The following ERCC5 variants were observed in gnomAD, a reference collection of about 807,000 sequenced individuals.
ERCC5 encodes the protein DNA excision repair protein ERCC-5.
Under a neutral mutation model 105.6 loss-of-function variants are expected in ERCC5, and 68 were observed. The observed-to-expected ratio is 0.64, with a 90% CI of 0.53 to 0.79. The LOEUF (loss-of-function observed/expected upper bound fraction) is 0.79. ERCC5 is among the 30% of genes least tolerant of loss of function. ERCC5 has a pLI of 0.00. For synonymous variants in ERCC5, 546 were observed against 526.2 expected (o/e 1.04, Z -0.51); for missense variants, 1,373 against 1,426.7 (o/e 0.96, Z 0.61).
intron 12 of ERCC5, 39 bp downstream of exon 12, chr13:102,868,296 A>G: frequency 3.1e-6 from 5 of 1,612,992 alleles, no homozygotes; most frequent in Non-Finnish European, 4.2e-6. Flanking sequence ...TAATTGTGTA[A>G]ATACCCAAAT....
Position 102,846,368 on chromosome 13 carries a change from C to T in ERCC5, c.88+14C>T. ...TCCTGGCTGTTGGTATCCTTAACGC[C>T]GCGTTGGGACTTGGGGTGCAGGGAT... On this transcript the variant is annotated intron_variant, in intron 1 of 14. Transcript: ENST00000652225. 1 of 1,611,372 alleles carries T rather than the reference C, an allele frequency of 6.2e-7. No individual in the cohort carries two copies. The highest frequency in any genetic ancestry group is 8.5e-7 in the Non-Finnish European group (1 of 1,177,704).
At position 102,846,238 on chromosome 13, in the gene ERCC5, G is replaced by A. The variant is rs768299983; in HGVS notation, c.-29G>A. On this transcript the variant is annotated 5_prime_UTR_variant, in exon 1 of 15. Coordinates refer to ENST00000652225, the MANE Select transcript of ERCC5 (RefSeq NM_000123.4). The stretch of plus-strand genomic sequence containing the variant: ...TAGAAGAATTAGAGTAGAAGTTGTC[G>A]GGGTCCGCTCTTAGGACGCAGCCGC... 3.1e-6 allele frequency: 5 copies of A among 1,595,276 alleles called. No homozygotes were observed. The highest frequency in any genetic ancestry group is 1.7e-5 in the Admixed American group (1 of 59,268).
chr13:102,847,831 G>A (rs116534828), intron 1 of ERCC5, among the ~76,000 whole-genome samples: 3,781 of 152,306 alleles, frequency 0.025, 167 homozygotes, highest in African/African-American at 0.086. Flanking sequence ...CAAAGATTTA[G>A]ATCATTTTAT....
At chr13:102,846,426 G>A in intron 1 of ERCC5, 72 bp downstream of exon 1, 1 of 1,312,048 alleles carries the variant, frequency 7.6e-7, no homozygotes, top group Non-Finnish European at 1.1e-6. Context: ...GCTCTGCCTT[G>A]GGCACAGTGG....
At position 102,846,207 on chromosome 13, in the gene ERCC5, C is replaced by G; in HGVS notation, c.-60C>G. ...CCGGGGTCCTAGGCGGCGGTGCAGT[C>G]CGTCGTAGAAGAATTAGAGTAGAAG... On this transcript the variant is annotated 5_prime_UTR_variant, in exon 1 of 15. Transcript: ENST00000652225. 4.2e-6 allele frequency: 6 copies of G among 1,438,714 alleles called. No homozygotes were observed. The South Asian group carries it at 7.1e-5, about 17-fold the overall frequency. The allele number at this position is 1,438,714 out of a possible 1,614,324, so 89.1% of individuals were successfully genotyped here. A position where few individuals can be genotyped will look rare whatever the true frequency, so the allele number is the denominator to read the frequency against.
At position 102,846,697 on chromosome 13, in the gene ERCC5, T is replaced by C. The variant is rs184559457; in HGVS notation, c.88+343T>C. ...TGCAATGTAAGTGATCTGTAAATAG[T>C]TGTTATACTGTATTTTAAAATTTTT... On this transcript the variant is annotated intron_variant, in intron 1 of 14. Transcript: ENST00000652225. 3.2e-3 allele frequency among the ~76,000 whole-genome samples: 493 copies of C among 152,362 alleles called. 4 individuals carry two copies. The highest frequency in any genetic ancestry group is 0.011 in the African/African-American group (448 of 41,586).
At chr13:102,860,362 G>A (rs200298423) in intron 6 of ERCC5, among the ~76,000 whole-genome samples, 8 of 152,258 alleles carry the variant, frequency 5.3e-5, no homozygotes, top group East Asian at 1.9e-4. Flanking sequence ...TTTTGCTGCC[G>A]TACCATAAAC....
chr13:102,856,514 A>G (rs189972468), intron 5 of ERCC5, among the ~76,000 whole-genome samples: 62 of 152,340 alleles, frequency 4.1e-4, no homozygotes, highest in African/African-American at 1.5e-3. Flanking sequence ...ATTTGTATAT[A>G]TGTATCAAAT....
intron 12 of ERCC5, among the ~76,000 whole-genome samples, chr13:102,871,053 T>A (rs1444601264): frequency 1.3e-5 from 2 of 151,766 alleles, no homozygotes; most frequent in Non-Finnish European, 2.9e-5. Context: ...CGCTCAGGCC[T>A]GGTGGGGGTG....
rs758441339 is a variant in ERCC5 at position 102,856,124 on chromosome 13, AT to A, written c.528+17del. On this transcript the variant is annotated intron_variant, in intron 5 of 14. Transcript: ENST00000652225. Reference sequence around the variant, plus strand: ...AACAAGCATTACAGGTATTTAGATCATTTTTGAATTCAGAATGTATTCTGTT... The same window carrying A: ...AACAAGCATTACAGGTATTTAGATCATTTTGAATTCAGAATGTATTCTGTT... 1 of 1,609,174 alleles carries A rather than the reference AT, an allele frequency of 6.2e-7. No individual in the cohort carries two copies. The highest frequency in any genetic ancestry group is 8.5e-7 in the Non-Finnish European group (1 of 1,175,632).
chr13:102,857,016 C>T (rs1196047565), intron 5 of ERCC5, among the ~76,000 whole-genome samples: 1 of 152,230 alleles, frequency 6.6e-6, no homozygotes, highest in South Asian at 2.1e-4. Flanking sequence ...GAATGTCCCA[C>T]ACATATTTTC....
chr13:102,851,959 T>C (rs191986885), intron 1 of ERCC5, among the ~76,000 whole-genome samples, 159 bp from the exon 2 acceptor site: 2 of 152,332 alleles, frequency 1.3e-5, no homozygotes, highest in African/African-American at 4.8e-5. Flanking sequence ...GTTAACTGAC[T>C]TTAGGTAGAT....
chr13:102,869,842 A>G lies in ERCC5; in HGVS notation c.2678+1585A>G, dbSNP rs977369382. 3.9e-5 allele frequency among the ~76,000 whole-genome samples: 6 copies of G among 152,228 alleles called. No individual in the cohort carries two copies. In the South Asian group the frequency reaches 6.2e-4, roughly 16 times the overall value. On this transcript the variant is annotated intron_variant, in intron 12 of 14. Coordinates refer to ENST00000652225, the MANE Select transcript of ERCC5 (RefSeq NM_000123.4). ...GAGAGTGAATTTTTTATGTTCATAG[A>G]CGGTTTGTGTTTCTGATTTAGTGAA...
At chr13:102,854,658 A>T in intron 4 of ERCC5, among the ~76,000 whole-genome samples, 1 of 152,196 alleles carries the variant, frequency 6.6e-6, no homozygotes, top group East Asian at 1.9e-4. Context: ...TTTTGCTTAC[A>T]CTTTGCTTAC....
chr13:102,869,514 T>C (rs1390731518), intron 12 of ERCC5, among the ~76,000 whole-genome samples: 1 of 151,890 alleles, frequency 6.6e-6, no homozygotes, highest in Non-Finnish European at 1.5e-5. Context: ...GTGTGTATGA[T>C]TTTTTTTATA....
intron 2 of ERCC5, among the ~76,000 whole-genome samples, chr13:102,852,651 C>T (rs933599374): frequency 6.6e-6 from 1 of 152,178 alleles, no homozygotes; most frequent in African/African-American, 2.4e-5. Context: ...AAGTGCCTCC[C>T]TGAATCTGAG....
At chr13:102,849,073 A>T (rs757788568) in intron 1 of ERCC5, 3 of 498,766 alleles carry the variant, frequency 6.0e-6, no homozygotes, top group South Asian at 4.4e-5. Flanking sequence ...GCCAAGTAGA[A>T]ACTAATTTAA....
intron 9 of ERCC5, 109 bp downstream of exon 9, chr13:102,866,020 T>A: frequency 6.3e-7 from 1 of 1,596,944 alleles, no homozygotes; most frequent in Non-Finnish European, 8.6e-7. Flanking sequence ...TTGCAGTACA[T>A]CTTGTGGTTG....
rs532415177 is a variant in ERCC5, at chr13:102,858,580, C to T, written c.672+162C>T. 3.6e-4 allele frequency among the ~76,000 whole-genome samples: 55 copies of T among 152,316 alleles called. 1 individual carries two copies. Among genetic ancestry groups the T allele is most frequent in the African/African-American group, 1.3e-3 (54 of 41,568 alleles). On this transcript the variant is annotated intron_variant, in intron 6 of 14. Transcript: ENST00000652225. ...TTCTAAGAAGCATCGTATATTTATA[C>T]GTTTGAGCCTATAGACATTTACTCT...
Sources: gnomAD v4.1 joint callset for allele counts (sites outside exome capture counted in the v4.1 genomes callset) on GRCh38, gnomAD v4.1.1 for gene constraint, MANE v1.5 for transcripts, NCBI Gene and HGNC (gene_info 2026-07-23, HGNC 2026-07-21) for gene names.